CCSER2: variants seen among roughly 807,000 people sequenced by gnomAD.
CCSER2 encodes the protein serine-rich coiled-coil domain-containing protein 2.
A neutral mutation model predicts 92.3 loss-of-function variants in CCSER2; 46 were observed. The ratio of observed to expected loss-of-function variants is 0.50; its 90% CI spans 0.39 to 0.64. CCSER2 has a LOEUF of 0.64. Ranked by LOEUF, CCSER2 falls within the 30% of genes least tolerant of loss-of-function variation. The pLI, the probability that CCSER2 is intolerant of heterozygous loss-of-function variation, is 0.00. For missense variants in CCSER2, 1,244 were observed against 1,238.9 expected, an observed-to-expected ratio of 1.00 and a Z score of -0.06; for synonymous variants, 433 against 431.4, an observed-to-expected ratio of 1.00 and a Z score of -0.04.
In CCSER2 at chr10:84,371,238, T is replaced by A. The variant is rs1334468752; in HGVS notation, c.186T>A (p.His62Gln). 6.2e-7 allele frequency: 1 copy of A among 1,613,184 alleles called. No homozygotes were observed. Residue 62 changes from histidine (H) to glutamine (Q), a missense_variant, in exon 2 of 10, where the codon CAT becomes CAA. Transcript: ENST00000372088. ...ATGGCTCTGATTGTCCATCATCTCATTCATTTAATTGGAGGAAAGCAAATA... is the reference window on the plus strand; with the variant it reads ...ATGGCTCTGATTGTCCATCATCTCAATCATTTAATTGGAGGAAAGCAAATA... ...KNNGSDCPSS[H>Q]SFNWRKANKY...
chr10:84,393,078 A>C (rs1841617354), intron 3 of CCSER2, among the ~76,000 whole-genome samples: 1 of 152,088 alleles, frequency 6.6e-6, no homozygotes, highest in South Asian at 2.1e-4. Flanking sequence ...TGCTACACTA[A>C]ATTGTTCCTT....
At chr10:84,506,155 C>T (rs543322455) in intron 9 of CCSER2, among the ~76,000 whole-genome samples, 19 of 132,558 alleles carry the variant, frequency 1.4e-4, no homozygotes, top group African/African-American at 4.9e-4. Context: ...AAAAAAAAAA[C>T]CAAACCCGTT....
At chr10:84,332,512 C>T (rs1399936733) in intron 1 of CCSER2, among the ~76,000 whole-genome samples, 1 of 139,606 alleles carries the variant, frequency 7.2e-6, no homozygotes, top group African/African-American at 2.7e-5. Context: ...CATCTCGGCT[C>T]ACTGCAACCT....
intron 3 of CCSER2, among the ~76,000 whole-genome samples, chr10:84,380,611 C>T (rs1378334390): frequency 1.3e-5 from 2 of 151,952 alleles, no homozygotes; most frequent in Non-Finnish European, 2.9e-5. Flanking sequence ...TGATTAAGAG[C>T]CAGGGCTCCG....
intron 3 of CCSER2, among the ~76,000 whole-genome samples, chr10:84,402,007 A>C (rs1842142835): frequency 6.6e-6 from 1 of 152,178 alleles, no homozygotes; most frequent in Admixed American, 6.5e-5. Flanking sequence ...CTTATTTGCT[A>C]ATGAACTTAA....
chr10:84,481,126 A>T lies in CCSER2; in HGVS notation c.2325+3462A>T, dbSNP rs181495069. 2.6e-3 allele frequency among the ~76,000 whole-genome samples: 391 copies of T among 152,176 alleles called. 1 individual carries two copies. Among genetic ancestry groups the T allele is most frequent in the African/African-American group, 8.6e-3 (359 of 41,530 alleles). On this transcript the variant is annotated intron_variant, in intron 9 of 9. Transcript: ENST00000372088. ...AGTGTTTGATGTCATTAGTTTATTT[A>T]AAAAAAGCCCCTGATATTTCCCTCC...
intron 5 of CCSER2, among the ~76,000 whole-genome samples, chr10:84,430,855 T>C (rs954713755): frequency 1.5e-4 from 23 of 152,228 alleles, no homozygotes; most frequent in Admixed American, 1.2e-3. Flanking sequence ...AATTTGCCAG[T>C]GTTCTTAGTG....
At chr10:84,383,589 C>T (rs1258697182) in intron 3 of CCSER2, among the ~76,000 whole-genome samples, 3 of 152,108 alleles carry the variant, frequency 2.0e-5, no homozygotes, top group East Asian at 3.9e-4. Flanking sequence ...GGATTACAAG[C>T]GTGAGCCACC....
rs767757579 is a variant in CCSER2 at position 84,438,498 on chromosome 10, C to T, written c.1869-14C>T. The T allele has an allele frequency of 4.7e-6, 7 of 1,495,986 alleles. No individual in the cohort carries two copies. Among genetic ancestry groups the T allele is most frequent in the Non-Finnish European group, 6.4e-6 (7 of 1,098,014 alleles). 92.7% of individuals were successfully genotyped at this position (1,495,986 alleles called of 1,614,324 possible). A position where few individuals can be genotyped will look rare whatever the true frequency, so the allele number is the denominator to read the frequency against. ...GTATATCTTTTCCCTCCACCTTCTT[C>T]CCTGCCCTTCCAGAGGCTCTCCCTA... On this transcript the variant is annotated splice_polypyrimidine_tract_variant and intron_variant, in intron 5 of 9. Coordinates refer to ENST00000372088, the MANE Select transcript of CCSER2 (RefSeq NM_001284240.2).
chr10:84,426,059 T>G (rs1365395578), intron 5 of CCSER2, among the ~76,000 whole-genome samples, 166 bp downstream of exon 5: 1 of 152,236 alleles, frequency 6.6e-6, no homozygotes, highest in African/African-American at 2.4e-5. Context: ...ATATGTCTAA[T>G]TTGTTCTTTT....
At chr10:84,378,730 C>T (rs893592658) in intron 3 of CCSER2, among the ~76,000 whole-genome samples, 9 of 152,082 alleles carry the variant, frequency 5.9e-5, no homozygotes, top group South Asian at 2.1e-4. Context: ...CCACCGCGCC[C>T]GGCCTAAAAA....
At chr10:84,453,235 A>G (rs1250490905) in intron 6 of CCSER2, among the ~76,000 whole-genome samples, 1 of 152,016 alleles carries the variant, frequency 6.6e-6, no homozygotes, top group East Asian at 1.9e-4. Context: ...TAATTTTTAA[A>G]TTGATCAGAA....
intron 1 of CCSER2, among the ~76,000 whole-genome samples, chr10:84,363,003 ATTTTTTT>A (rs762145500): frequency 7.2e-6 from 1 of 138,828 alleles, no homozygotes; most frequent in South Asian, 2.3e-4. Flanking sequence ...CGCCCAGCTA[ATTTTTTT>A]TTTTTTTTGT....
intron 1 of CCSER2, among the ~76,000 whole-genome samples, chr10:84,330,305 C>T (rs1162369424): frequency 6.6e-6 from 1 of 152,222 alleles, no homozygotes; most frequent in Non-Finnish European, 1.5e-5. Flanking sequence ...AAGATGACAT[C>T]TTCCTCTGTG....
intron 1 of CCSER2, among the ~76,000 whole-genome samples, chr10:84,350,595 G>GTGCT (rs1564588104): frequency 6.6e-6 from 1 of 152,184 alleles, no homozygotes; most frequent in Admixed American, 6.5e-5. Context: ...TCTCTGTCAA[G>GTGCT]TGCTTATCTA....
intron 9 of CCSER2, among the ~76,000 whole-genome samples, chr10:84,479,886 C>G (rs1847358796): frequency 6.6e-6 from 1 of 151,970 alleles, no homozygotes; most frequent in Non-Finnish European, 1.5e-5. Flanking sequence ...AGGATCATAG[C>G]TCTGGGAAGG....
intron 1 of CCSER2, among the ~76,000 whole-genome samples, chr10:84,353,307 T>C (rs1844969962): frequency 6.6e-6 from 1 of 152,112 alleles, no homozygotes; most frequent in Non-Finnish European, 1.5e-5. Context: ...TGTTCCTGTC[T>C]CTTGAGATAG....
At chr10:84,360,317 T>C (rs1259222758) in intron 1 of CCSER2, among the ~76,000 whole-genome samples, 1 of 152,246 alleles carries the variant, frequency 6.6e-6, no homozygotes, top group African/African-American at 2.4e-5. Context: ...TATCTTTTTT[T>C]CTGTATTTAT....
At position 84,517,448 on chromosome 10, in the gene CCSER2, A is replaced by G. The variant is rs1849633574; in HGVS notation, c.*3181A>G. Reference sequence around the variant, plus strand: ...TTTTCAGGCATATAGGCTACTGTTCATTGTATTTATATATATATTAGAATT... The same window carrying G: ...TTTTCAGGCATATAGGCTACTGTTCGTTGTATTTATATATATATTAGAATT... On this transcript the variant is annotated 3_prime_UTR_variant, in exon 10 of 10. Coordinates refer to ENST00000372088, the MANE Select transcript of CCSER2 (RefSeq NM_001284240.2). 1 of 152,558 alleles carries G rather than the reference A, an allele frequency of 6.6e-6. No individual in the cohort carries two copies. Among genetic ancestry groups the G allele is most frequent in the South Asian group, 2.1e-4 (1 of 4,814 alleles). 9.5% of individuals were successfully genotyped at this position (152,558 alleles called of 1,614,324 possible).
Sources: gnomAD v4.1 joint callset for allele counts (sites outside exome capture counted in the v4.1 genomes callset) on GRCh38, gnomAD v4.1.1 for gene constraint, MANE v1.5 for transcripts, NCBI Gene and HGNC (gene_info 2026-07-23, HGNC 2026-07-21) for gene names.